The following TRIM2 variants were observed in gnomAD, a reference collection of about 807,000 sequenced individuals.
TRIM2 encodes the protein tripartite motif containing 2.
In TRIM2, 20 loss-of-function variants were observed where a neutral mutation model predicts 75.2. The observed-to-expected ratio is 0.27, with a 90% CI of 0.19 to 0.39. The LOEUF is 0.39. Among genes scored for constraint, TRIM2 ranks in the 10% least tolerant of loss-of-function variants. The pLI, the probability that TRIM2 is intolerant of heterozygous loss-of-function variation, is 1.00. For synonymous variants in TRIM2, 373 were observed against 388.3 expected, an observed-to-expected ratio of 0.96 and a Z score of 0.46; for missense variants, 660 against 990.8, an observed-to-expected ratio of 0.67 and a Z score of 4.48.
chr4:153,155,789 T>G (rs1465526686), intron 1 of TRIM2, among the ~76,000 whole-genome samples: 1 of 152,180 alleles, frequency 6.6e-6, no homozygotes, highest in Non-Finnish European at 1.5e-5. Context: ...TTAACTGGTA[T>G]AAGCCCAGGT....
chr4:153,336,359 C>A lies in TRIM2; in HGVS notation c.*1393C>A, dbSNP rs73854659. 22,431 of 828,802 alleles carry A rather than the reference C, an allele frequency of 0.027. 503 individuals are homozygous for A. Among genetic ancestry groups the A allele is most frequent in the South Asian group, 0.14 (2,593 of 18,190 alleles). The allele number at this position is 828,802 out of a possible 1,614,324, so 51.3% of individuals were successfully genotyped here. A position where few individuals can be genotyped will look rare whatever the true frequency, so the allele number is the denominator to read the frequency against. On this transcript the variant is annotated 3_prime_UTR_variant, in exon 12 of 12. Coordinates refer to ENST00000338700, the MANE Select transcript of TRIM2 (RefSeq NM_015271.5). ...CCTTCTGTGCTTTCAAAAAAAAAAA[C>A]AAAAAAAAAACCACACACACACATA...
At position 153,338,239 on chromosome 4, in the gene TRIM2, C is replaced by T; in HGVS notation, c.*3273C>T. ...TAGCACTGACGGGTTAACAGAAATG[C>T]TTTGGTAATACCTACTTAGTTAATT... is the stretch of plus-strand genomic sequence containing the variant. On this transcript the variant is annotated 3_prime_UTR_variant, in exon 12 of 12. Coordinates refer to ENST00000338700, the MANE Select transcript of TRIM2 (RefSeq NM_015271.5). 1.0e-6 allele frequency: 1 copy of T among 985,812 alleles called. No individual in the cohort carries two copies. Among genetic ancestry groups the T allele is most frequent in the Non-Finnish European group, 1.2e-6 (1 of 829,914 alleles). The allele number at this position is 985,812 out of a possible 1,614,324, so 61.1% of individuals were successfully genotyped here.
chr4:153,182,358 G>GA (rs905709056), intron 1 of TRIM2, among the ~76,000 whole-genome samples: 2 of 152,134 alleles, frequency 1.3e-5, no homozygotes, highest in Non-Finnish European at 2.9e-5. Context: ...GGGACCTTGG[G>GA]AAAAAGAGTC....
intron 1 of TRIM2, among the ~76,000 whole-genome samples, chr4:153,209,679 C>A (rs1736417138): frequency 6.6e-6 from 1 of 152,154 alleles, no homozygotes; most frequent in East Asian, 1.9e-4. Context: ...CCGTGGGAGA[C>A]AAAGGGTCAG....
intron 6 of TRIM2, among the ~76,000 whole-genome samples, chr4:153,296,365 G>A (rs1282179093): frequency 1.3e-5 from 2 of 152,094 alleles, no homozygotes; most frequent in African/African-American, 4.8e-5. Flanking sequence ...CATAGCACCC[G>A]TAATCTGAAA....
At chr4:153,272,742 C>G (rs1020099986) in intron 2 of TRIM2, among the ~76,000 whole-genome samples, 2 of 150,074 alleles carry the variant, frequency 1.3e-5, no homozygotes, top group African/African-American at 4.9e-5. Context: ...AAGTGTTGGG[C>G]TTACAGGCGT....
intron 6 of TRIM2, among the ~76,000 whole-genome samples, chr4:153,313,627 C>CTTTTTTTTTTTTTTTT (rs398051309): frequency 1.0e-5 from 1 of 98,528 alleles, no homozygotes; most frequent in African/African-American, 4.5e-5. Context: ...AGCAATGGCT[C>CTTTTTTTTTTTTTTTT]TTTTTTTTTT....
At chr4:153,257,187 C>T (rs1752277748) in intron 1 of TRIM2, among the ~76,000 whole-genome samples, 2 of 152,234 alleles carry the variant, frequency 1.3e-5, no homozygotes, top group Non-Finnish European at 2.9e-5. Context: ...CTGCGTTGCA[C>T]GGAGACTGCA....
At chr4:153,280,617 G>T (rs1395778147) in intron 3 of TRIM2, among the ~76,000 whole-genome samples, 1 of 151,842 alleles carries the variant, frequency 6.6e-6, no homozygotes, top group African/African-American at 2.4e-5. Context: ...GGCCTCAAGG[G>T]ATCCTCCCAT....
At position 153,295,173 on chromosome 4, in the gene TRIM2, C is replaced by G. The variant is rs1209825825; in HGVS notation, c.787-140C>G. 2.1e-5 allele frequency: 25 copies of G among 1,203,078 alleles called. No individual in the cohort carries two copies. The highest frequency in any genetic ancestry group is 2.6e-5 in the Non-Finnish European group (23 of 890,716). The allele number at this position is 1,203,078 out of a possible 1,614,324, so 74.5% of individuals were successfully genotyped here. Reference sequence around the variant, plus strand: ...TAGGACTTTGCGTTAGCACTGGGTTCCCTGGGTTGACAAACACCGCTTGCT... The same window carrying G: ...TAGGACTTTGCGTTAGCACTGGGTTGCCTGGGTTGACAAACACCGCTTGCT... On this transcript the variant is annotated intron_variant, in intron 5 of 11. Coordinates refer to ENST00000338700, the MANE Select transcript of TRIM2 (RefSeq NM_015271.5). This position sits in a 1 kb window ranked among gnomAD's most constrained non-coding sequence, Gnocchi z 7.2.
chr4:153,271,396 A>G (rs1298700840), intron 2 of TRIM2, among the ~76,000 whole-genome samples: 1 of 152,216 alleles, frequency 6.6e-6, no homozygotes, highest in East Asian at 1.9e-4. Context: ...TGATTACACA[A>G]ATATCTGATT....
At chr4:153,244,426 CT>C (rs1748434243) in intron 1 of TRIM2, among the ~76,000 whole-genome samples, 1 of 104,210 alleles carries the variant, frequency 9.6e-6, no homozygotes, top group African/African-American at 4.0e-5. Context: ...TCTTCTTCTT[CT>C]TCTTCTTCTT....
chr4:153,276,210 A>G (rs775030056), intron 3 of TRIM2, 80 bp downstream of exon 3: 19 of 1,122,000 alleles, frequency 1.7e-5, no homozygotes, highest in South Asian at 6.5e-5. Context: ...ATCAGAGATT[A>G]CAGATTGAAA....
chr4:153,317,847 C>T (rs964519663), intron 8 of TRIM2, among the ~76,000 whole-genome samples: 2 of 152,112 alleles, frequency 1.3e-5, no homozygotes, highest in African/African-American at 4.8e-5. Flanking sequence ...GTAGTCCCAG[C>T]CACTTGGGAG....
chr4:153,212,351 A>G (rs912034793), intron 1 of TRIM2, among the ~76,000 whole-genome samples: 1 of 152,232 alleles, frequency 6.6e-6, no homozygotes, highest in African/African-American at 2.4e-5. Context: ...ATATGTGGAC[A>G]TAGAGAGTGG....
At chr4:153,169,747 G>T (rs909445695) in intron 1 of TRIM2, among the ~76,000 whole-genome samples, 2 of 152,192 alleles carry the variant, frequency 1.3e-5, no homozygotes, top group Non-Finnish European at 2.9e-5. Flanking sequence ...TCAACCTTGT[G>T]AAATATTCCT....
chr4:153,162,618 C>G (rs190706468), intron 1 of TRIM2, among the ~76,000 whole-genome samples: 1 of 152,344 alleles, frequency 6.6e-6, no homozygotes, highest in African/African-American at 2.4e-5. Context: ...GACCAAATAT[C>G]TGGGCACTGC....
At chr4:153,273,121 G>A (rs1445817854) in intron 2 of TRIM2, among the ~76,000 whole-genome samples, 1 of 152,060 alleles carries the variant, frequency 6.6e-6, no homozygotes, top group Non-Finnish European at 1.5e-5. Context: ...ACAGGCATGA[G>A]TCACTGCGCC....
rs1560875635 is a variant in TRIM2 at position 153,244,421 on chromosome 4, T to TTCTTCTTCTTCTTCTTCTTCTTCTTCC, written c.31-25898_31-25897insCTTCTTCTTCCTCTTCTTCTTCTTCTT. ...CTTCTTCTTCTTCTTCTTCTTCTTC[T>TTCTTCTTCTTCTTCTTCTTCTTCTTCC]TCTTCTTCTTCTTCTTTTAATTAGA... On this transcript the variant is annotated intron_variant, in intron 1 of 11. Coordinates refer to ENST00000338700, the MANE Select transcript of TRIM2 (RefSeq NM_015271.5). Among the ~76,000 whole-genome samples the TTCTTCTTCTTCTTCTTCTTCTTCTTCC allele has an allele frequency of 3.1e-3, 277 of 89,154 alleles. 36 individuals are homozygous for TTCTTCTTCTTCTTCTTCTTCTTCTTCC. Among genetic ancestry groups the TTCTTCTTCTTCTTCTTCTTCTTCTTCC allele is most frequent in the Non-Finnish European group, 3.6e-3 (152 of 42,704 alleles). The allele number at this position is 89,154 out of a possible 152,430, so 58.5% of individuals were successfully genotyped here.
Sources: gnomAD v4.1 joint callset for allele counts (sites outside exome capture counted in the v4.1 genomes callset) on GRCh38, gnomAD v4.1.1 for gene constraint, Gnocchi (gnomAD v3.1) non-coding constraint, MANE v1.5 for transcripts, NCBI Gene and HGNC (gene_info 2026-07-23, HGNC 2026-07-21) for gene names.